Variants in FYN observed in about 807,000 individuals in gnomAD.
FYN encodes FYN proto-oncogene, Src family tyrosine kinase.
In FYN, 10 loss-of-function variants were observed where a neutral mutation model predicts 70.2. That is an observed-to-expected ratio of 0.14 (90% CI 0.09 to 0.24). The LOEUF is 0.24. Among genes scored for constraint, FYN ranks in the 10% least tolerant of loss-of-function variants. The probability of loss-of-function intolerance (pLI) is 1.00; values close to 1 mark genes in which losing one functional copy is unlikely to be tolerated. For missense variants in FYN, 319 were observed against 673.1 expected (o/e 0.47, Z 5.82); for synonymous variants, 236 against 248.6 (o/e 0.95, Z 0.48).
intron 3 of FYN, among the ~76,000 whole-genome samples, chr6:111,774,407 C>T (rs1206439846): frequency 2.0e-5 from 3 of 152,170 alleles, no homozygotes; most frequent in Admixed American, 6.5e-5. Flanking sequence ...AGCAGTGTTT[C>T]TCCATAGGGG....
intron 3 of FYN, among the ~76,000 whole-genome samples, chr6:111,738,559 A>G (rs1801807083): frequency 6.6e-6 from 1 of 152,214 alleles, no homozygotes; most frequent in Admixed American, 6.5e-5. Context: ...AATCCAGCAC[A>G]GTATCAGCAT....
intron 4 of FYN, among the ~76,000 whole-genome samples, chr6:111,716,910 G>A (rs538786152): frequency 2.0e-5 from 3 of 151,008 alleles, no homozygotes; most frequent in Non-Finnish European, 4.4e-5. Flanking sequence ...TCAGCCTCCC[G>A]AGTAGCTGAG....
chr6:111,792,991 G>A (rs762071456), intron 2 of FYN, among the ~76,000 whole-genome samples: 3 of 152,060 alleles, frequency 2.0e-5, no homozygotes, highest in Non-Finnish European at 4.4e-5. Flanking sequence ...TTCATTATCA[G>A]TGCACTTAAG....
chr6:111,799,133 A>G (rs756619600), intron 2 of FYN, among the ~76,000 whole-genome samples: 11 of 152,252 alleles, frequency 7.2e-5, no homozygotes, highest in Non-Finnish European at 1.2e-4. Context: ...AATAAGATTC[A>G]CTTACAGTTT....
chr6:111,868,510 G>A (rs1774179246), intron 1 of FYN, among the ~76,000 whole-genome samples: 1 of 151,920 alleles, frequency 6.6e-6, no homozygotes, highest in South Asian at 2.1e-4. Context: ...GTAGATAAGT[G>A]TCTGAATGGA....
At chr6:111,762,180 A>G (rs1803034386) in intron 3 of FYN, among the ~76,000 whole-genome samples, 1 of 152,190 alleles carries the variant, frequency 6.6e-6, no homozygotes, top group African/African-American at 2.4e-5. Flanking sequence ...CACGAGCAGC[A>G]GCGGTGAGGA....
At chr6:111,768,803 T>A (rs1212843993) in intron 3 of FYN, among the ~76,000 whole-genome samples, 1 of 152,216 alleles carries the variant, frequency 6.6e-6, no homozygotes, top group East Asian at 1.9e-4. Flanking sequence ...GGAAACAAAA[T>A]CTAGGTACTC....
intron 2 of FYN, chr6:111,818,608 T>C (rs1772562383): frequency 1.3e-5 from 2 of 152,422 alleles, no homozygotes; most frequent in African/African-American, 4.8e-5. Flanking sequence ...TCCATGGTAA[T>C]GAGTACCTGG....
At position 111,694,627 on chromosome 6, in the gene FYN, C is replaced by A; in HGVS notation, c.1119+1G>T. On this transcript the variant is annotated splice_donor_variant, in intron 11 of 13. Transcript: ENST00000354650. LOFTEE classifies it high-confidence loss of function. This position sits in a 1 kb window ranked among gnomAD's most constrained non-coding sequence, Gnocchi z 5.0. The stretch of plus-strand genomic sequence containing the variant: ...ACATCAAGTTACCCTGCAGGGCCTA[C>A]CTGTGCTGCCATGTCCACAAGATTT... The A allele has an allele frequency of 6.2e-7, 1 of 1,614,038 alleles. No homozygotes were observed. Among genetic ancestry groups the A allele is most frequent in the Non-Finnish European group, 8.5e-7 (1 of 1,179,944 alleles).
At chr6:111,794,241 T>C (rs1327393060) in intron 2 of FYN, among the ~76,000 whole-genome samples, 1 of 152,258 alleles carries the variant, frequency 6.6e-6, no homozygotes, top group Non-Finnish European at 1.5e-5. Context: ...GTCAACTCTA[T>C]TCCTAACTTC....
At chr6:111,773,809 T>G (rs1803598396) in intron 3 of FYN, among the ~76,000 whole-genome samples, 1 of 152,200 alleles carries the variant, frequency 6.6e-6, no homozygotes, top group Non-Finnish European at 1.5e-5. Context: ...AATATGGTTT[T>G]ATTTTTACCA....
chr6:111,777,157 T>G (rs914004784), intron 3 of FYN, among the ~76,000 whole-genome samples: 3 of 152,196 alleles, frequency 2.0e-5, no homozygotes, highest in Non-Finnish European at 4.4e-5. Context: ...GAGTCTTGTT[T>G]TTATCTTTAG....
intron 2 of FYN, among the ~76,000 whole-genome samples, chr6:111,811,786 G>A (rs1772333104): frequency 6.6e-6 from 1 of 152,200 alleles, no homozygotes. Flanking sequence ...AATGAAGAAG[G>A]TATTGCTAGT....
intron 12 of FYN, among the ~76,000 whole-genome samples, chr6:111,692,100 T>C (rs968056055): frequency 7.0e-6 from 1 of 142,982 alleles, no homozygotes; most frequent in Admixed American, 7.0e-5. Flanking sequence ...CAAGCTTCAT[T>C]TCCCCCCCCC....
chr6:111,805,766 C>T (rs1281985816), intron 2 of FYN, among the ~76,000 whole-genome samples: 1 of 152,168 alleles, frequency 6.6e-6, no homozygotes, highest in African/African-American at 2.4e-5. Context: ...AATGAGTCAT[C>T]AGCCCCCTCT....
In FYN at chr6:111,761,063, G is replaced by A. The variant is rs1802987841; in HGVS notation, c.-12+19503C>T. 3.3e-5 allele frequency among the ~76,000 whole-genome samples: 5 copies of A among 152,200 alleles called. No individual in the cohort carries two copies. In the South Asian group the frequency reaches 1.0e-3, roughly 32 times the overall value. On this transcript the variant is annotated intron_variant, in intron 3 of 13. Transcript: ENST00000354650. The stretch of plus-strand genomic sequence containing the variant: ...TGAAACTGTGGTGCAGAGATGCAAA[G>A]ACACAAGATGTGTTCACATCACCAG...
chr6:111,764,016 T>C (rs950170773), intron 3 of FYN, among the ~76,000 whole-genome samples: 153 of 152,084 alleles, frequency 1.0e-3, no homozygotes, highest in African/African-American at 3.2e-3. Context: ...CAAAATTGAA[T>C]TGGTCAAAAA....
chr6:111,770,860 G>T (rs1008666870), intron 3 of FYN, among the ~76,000 whole-genome samples: 3 of 152,178 alleles, frequency 2.0e-5, no homozygotes, highest in African/African-American at 7.2e-5. Context: ...CGTAAGAATG[G>T]CATCCAGCTG....
At chr6:111,735,308 G>A (rs1801660357) in intron 3 of FYN, among the ~76,000 whole-genome samples, 1 of 152,212 alleles carries the variant, frequency 6.6e-6, no homozygotes, top group African/African-American at 2.4e-5. Flanking sequence ...GTAAGTGGCT[G>A]AGCTTGAGAA....
Sources: allele counts gnomAD v4.1 joint callset (sites outside exome capture counted in the v4.1 genomes callset), GRCh38; gene constraint gnomAD v4.1.1; non-coding constraint Gnocchi (gnomAD v3.1); transcripts MANE v1.5; gene names NCBI Gene and HGNC (gene_info 2026-07-23, HGNC 2026-07-21).